UBE2K: variants seen among roughly 807,000 people sequenced by gnomAD.
The protein encoded by UBE2K is ubiquitin conjugating enzyme E2 K, also known as ubiquitin-conjugating enzyme E2 K.
UBE2K carries 6 observed loss-of-function variants against 30.0 expected under a neutral mutation model. That is an observed-to-expected ratio of 0.20 (90% CI 0.11 to 0.39). The LOEUF is 0.39. Ranked by LOEUF, UBE2K falls within the 10% of genes least tolerant of loss-of-function variation. The pLI, the probability that UBE2K is intolerant of heterozygous loss-of-function variation, is 1.00. For synonymous variants in UBE2K, 86 were observed against 83.7 expected, an observed-to-expected ratio of 1.03 and a Z score of -0.15; for missense variants, 61 against 241.6, an observed-to-expected ratio of 0.25 and a Z score of 4.96.
chr4:39,755,342 C>T (rs1036668473), intron 3 of UBE2K, among the ~76,000 whole-genome samples: 1 of 152,136 alleles, frequency 6.6e-6, no homozygotes, highest in African/African-American at 2.4e-5. Context: ...ATTTTATTTA[C>T]CAAAATGGAT....
chr4:39,759,275 T>A (rs1245960009), intron 4 of UBE2K, among the ~76,000 whole-genome samples: 1 of 149,868 alleles, frequency 6.7e-6, no homozygotes, highest in Admixed American at 6.6e-5. Flanking sequence ...TATATTTGTT[T>A]ATTATTATTA....
At chr4:39,728,488 G>A (rs536815028) in intron 1 of UBE2K, among the ~76,000 whole-genome samples, 4 of 152,240 alleles carry the variant, frequency 2.6e-5, no homozygotes, top group African/African-American at 9.6e-5. Flanking sequence ...ATTGTTGATC[G>A]TTCAGCAACA....
At chr4:39,706,957 A>G (rs1215135741) in intron 1 of UBE2K, among the ~76,000 whole-genome samples, 3 of 152,008 alleles carry the variant, frequency 2.0e-5, no homozygotes, top group African/African-American at 2.4e-5. Context: ...CCCAGCCTGG[A>G]GTGCAGTGGC....
At position 39,781,631 on chromosome 4, in the gene UBE2K, T is replaced by C. The variant is rs546053834; in HGVS notation, c.*3197T>C. The C allele has an allele frequency of 6.9e-6, 2 of 287,844 alleles. No homozygotes were observed. The highest frequency in any genetic ancestry group is 2.2e-5 in the African/African-American group (1 of 46,464). The allele number at this position is 287,844 out of a possible 1,614,324, so 17.8% of individuals were successfully genotyped here. A position where few individuals can be genotyped will look rare whatever the true frequency, so the allele number is the denominator to read the frequency against. ...AGGAAATTATGAATTTTTGTTGTTATTGTTTTAAAGATTTAAGATGGATTG... is the reference window on the plus strand; with the variant it reads ...AGGAAATTATGAATTTTTGTTGTTACTGTTTTAAAGATTTAAGATGGATTG... On this transcript the variant is annotated 3_prime_UTR_variant, in exon 7 of 7. Coordinates refer to ENST00000261427, the MANE Select transcript of UBE2K (RefSeq NM_005339.5).
intron 1 of UBE2K, among the ~76,000 whole-genome samples, chr4:39,718,560 A>C (rs1719237848): frequency 6.6e-6 from 1 of 152,206 alleles, no homozygotes; most frequent in African/African-American, 2.4e-5. Flanking sequence ...GCCGTGGAGC[A>C]GGGGACAATG....
At chr4:39,736,247 G>A (rs1324886447) in intron 1 of UBE2K, among the ~76,000 whole-genome samples, 1 of 152,182 alleles carries the variant, frequency 6.6e-6, no homozygotes, top group Non-Finnish European at 1.5e-5. Context: ...CGTATCGCGA[G>A]GTCAGGAGTT....
intron 4 of UBE2K, among the ~76,000 whole-genome samples, chr4:39,757,000 G>GTTTTTTTTTGTTTT (rs1721551596): frequency 1.1e-5 from 1 of 94,372 alleles, no homozygotes; most frequent in Admixed American, 1.2e-4. Context: ...TTTTTTGGGT[G>GTTTTTTTTTGTTTT]TTTTTTTTTT....
intron 1 of UBE2K, among the ~76,000 whole-genome samples, chr4:39,734,747 G>A (rs2109345923): frequency 6.6e-6 from 1 of 152,324 alleles, no homozygotes; most frequent in East Asian, 1.9e-4. Flanking sequence ...GGGAAGTTGA[G>A]GTGCAGTGAG....
intron 3 of UBE2K, among the ~76,000 whole-genome samples, chr4:39,750,462 C>T (rs1721198344): frequency 1.3e-5 from 2 of 152,144 alleles, no homozygotes; most frequent in African/African-American, 2.4e-5. Context: ...GTTCAGATTT[C>T]CGTTTTTATT....
chr4:39,700,285 A>C (rs1172386229), intron 1 of UBE2K, among the ~76,000 whole-genome samples: 1 of 152,178 alleles, frequency 6.6e-6, no homozygotes, highest in African/African-American at 2.4e-5. Context: ...TTTATACGTA[A>C]GGGATGTTGA....
chr4:39,777,597 A>G, intron 5 of UBE2K, 85 bp from the exon 6 acceptor site: 1 of 1,241,016 alleles, frequency 8.1e-7, no homozygotes, highest in Middle Eastern at 2.0e-4. Context: ...TATTTGGAAA[A>G]GTAGGATTGT....
chr4:39,745,929 T>A, intron 3 of UBE2K, 119 bp downstream of exon 3: 1 of 721,704 alleles, frequency 1.4e-6, no homozygotes, highest in Non-Finnish European at 2.1e-6. Context: ...GCTTACTGTG[T>A]AAACTTGATG....
rs759306724 is a variant in UBE2K at position 39,749,551 on chromosome 4, C to T, written c.216+3741C>T. 4.6e-5 allele frequency among the ~76,000 whole-genome samples: 7 copies of T among 152,160 alleles called. No homozygotes were observed. The East Asian group carries it at 7.7e-4, about 17-fold the overall frequency. The stretch of plus-strand genomic sequence containing the variant: ...AATACTAGTCTGGTATGGTGGCATG[C>T]GCCTGTAGTCTCAGCTACTCAGGAG... On this transcript the variant is annotated intron_variant, in intron 3 of 6. Transcript: ENST00000261427.
At chr4:39,718,023 T>C (rs939016278) in intron 1 of UBE2K, among the ~76,000 whole-genome samples, 1 of 151,966 alleles carries the variant, frequency 6.6e-6, no homozygotes, top group Non-Finnish European at 1.5e-5. Flanking sequence ...GCAAGATTTA[T>C]TGCAAAGAGC....
chr4:39,728,840 TG>T (rs1194552782), intron 1 of UBE2K, among the ~76,000 whole-genome samples: 1 of 149,920 alleles, frequency 6.7e-6, no homozygotes, highest in African/African-American at 2.4e-5. Context: ...TTTTTTTTTT[TG>T]TATTTTTAGT....
chr4:39,765,052 AT>A (rs1712228177), intron 4 of UBE2K, among the ~76,000 whole-genome samples: 2 of 151,990 alleles, frequency 1.3e-5, no homozygotes, highest in Non-Finnish European at 2.9e-5. Context: ...CTCCAGGCTA[AT>A]TTTTTGTATT....
chr4:39,723,662 G>A (rs909286297), intron 1 of UBE2K, among the ~76,000 whole-genome samples: 4 of 152,024 alleles, frequency 2.6e-5, no homozygotes, highest in Admixed American at 1.3e-4. Context: ...GCCACTGCAC[G>A]TGGCCTGTCT....
At chr4:39,733,956 A>G (rs1720216126) in intron 1 of UBE2K, among the ~76,000 whole-genome samples, 1 of 152,164 alleles carries the variant, frequency 6.6e-6, no homozygotes, top group Non-Finnish European at 1.5e-5. Flanking sequence ...AGATTGTGAA[A>G]TAACTGGATG....
chr4:39,763,730 T>G (rs1037658631), intron 4 of UBE2K, among the ~76,000 whole-genome samples: 5 of 152,266 alleles, frequency 3.3e-5, no homozygotes, highest in South Asian at 4.1e-4. Flanking sequence ...ACTATATCAA[T>G]AGGTTTTGTT....
Sources: gnomAD v4.1 joint callset for allele counts (sites outside exome capture counted in the v4.1 genomes callset) on GRCh38, gnomAD v4.1.1 for gene constraint, MANE v1.5 for transcripts, NCBI Gene and HGNC (gene_info 2026-07-23, HGNC 2026-07-21) for gene names.